SNTG1: variants seen among roughly 807,000 people sequenced by gnomAD.
SNTG1 encodes the protein syntrophin gamma 1.
SNTG1 carries 39 observed loss-of-function variants against 74.7 expected under a neutral mutation model. The ratio of observed to expected loss-of-function variants is 0.52; its 90% CI spans 0.40 to 0.68. The LOEUF is 0.68. Among genes scored for constraint, SNTG1 ranks in the 30% least tolerant of loss-of-function variants. SNTG1 has a pLI of 0.00. For synonymous variants in SNTG1, 254 were observed against 217.1 expected (o/e 1.17, Z -1.49); for missense variants, 685 against 609.5 (o/e 1.12, Z -1.30).
At chr8:50,709,944 C>G (rs1462356697) in intron 17 of SNTG1, among the ~76,000 whole-genome samples, 1 of 152,098 alleles carries the variant, frequency 6.6e-6, no homozygotes. Context: ...GTAGGATTTT[C>G]TAAAGCAAAT....
At chr8:50,024,125 A>G (rs1817059852) in intron 1 of SNTG1, among the ~76,000 whole-genome samples, 1 of 152,206 alleles carries the variant, frequency 6.6e-6, no homozygotes, top group African/African-American at 2.4e-5. Flanking sequence ...CACAGAGAAC[A>G]GGTGGGATAA....
chr8:50,253,075 G>C (rs183160654), intron 2 of SNTG1, among the ~76,000 whole-genome samples: 1 of 152,222 alleles, frequency 6.6e-6, no homozygotes, highest in Middle Eastern at 3.4e-3. Flanking sequence ...ACACACCGTT[G>C]GTGGGACTGT....
intron 5 of SNTG1, among the ~76,000 whole-genome samples, chr8:50,448,984 C>T (rs548866567): frequency 5.3e-5 from 8 of 152,150 alleles, no homozygotes; most frequent in South Asian, 2.1e-4. Flanking sequence ...GCCAAGATCG[C>T]GCCATGGCAC....
chr8:50,350,200 C>T (rs1304932684), intron 2 of SNTG1, among the ~76,000 whole-genome samples: 2 of 152,112 alleles, frequency 1.3e-5, no homozygotes, highest in Non-Finnish European at 2.9e-5. Context: ...GCCTCCCTGC[C>T]CCCACCCCGT....
At position 50,278,283 on chromosome 8, in the gene SNTG1, T is replaced by C. The variant is rs1315913695; in HGVS notation, c.-28+105648T>C. 2.6e-5 allele frequency among the ~76,000 whole-genome samples: 4 copies of C among 152,194 alleles called. No homozygotes were observed. In the South Asian group the frequency reaches 8.3e-4, roughly 32 times the overall value. ...TGTAATTTTCTCTCATTGTTGAATA[T>C]AATATTTTTCAAAGACAAAGAGTTG... On this transcript the variant is annotated intron_variant, in intron 2 of 18. Coordinates refer to ENST00000642720, the MANE Select transcript of SNTG1 (RefSeq NM_018967.5).
chr8:50,435,385 A>T (rs913110413), intron 4 of SNTG1, among the ~76,000 whole-genome samples: 2 of 152,140 alleles, frequency 1.3e-5, no homozygotes, highest in Non-Finnish European at 2.9e-5. Flanking sequence ...GACACTCATG[A>T]TGTGTTAACT....
intron 15 of SNTG1, among the ~76,000 whole-genome samples, chr8:50,698,050 C>T (rs2095411120): frequency 6.6e-6 from 1 of 152,054 alleles, no homozygotes; most frequent in Non-Finnish European, 1.5e-5. Context: ...GGTTGTGGAT[C>T]CATCTGTTCC....
At chr8:49,947,195 G>A (rs1809272412) in intron 1 of SNTG1, among the ~76,000 whole-genome samples, 1 of 152,086 alleles carries the variant, frequency 6.6e-6, no homozygotes, top group Non-Finnish European at 1.5e-5. Flanking sequence ...CAGCTACTTG[G>A]GAGGCTAAGG....
chr8:49,948,334 T>C (rs1215977442), intron 1 of SNTG1, among the ~76,000 whole-genome samples: 1 of 152,206 alleles, frequency 6.6e-6, no homozygotes, highest in Non-Finnish European at 1.5e-5. Flanking sequence ...TCATTAATTA[T>C]CATGGGTTAT....
chr8:50,432,760 AT>A (rs1330344720), intron 4 of SNTG1, among the ~76,000 whole-genome samples: 1 of 151,538 alleles, frequency 6.6e-6, no homozygotes, highest in Non-Finnish European at 1.5e-5. Flanking sequence ...TTTTTCTTTT[AT>A]TTTTTATTTA....
intron 1 of SNTG1, among the ~76,000 whole-genome samples, chr8:50,061,627 G>T (rs1820479058): frequency 6.6e-6 from 1 of 151,912 alleles, no homozygotes; most frequent in South Asian, 2.1e-4. Flanking sequence ...AACATTTAGT[G>T]TTATACATTT....
In SNTG1 at chr8:50,562,497, A is replaced by C. The variant is rs540683142; in HGVS notation, c.810+9318A>C. On this transcript the variant is annotated intron_variant, in intron 12 of 18. Transcript: ENST00000642720. Reference sequence around the variant, plus strand: ...AATAGCAGTGAAAGGCTGCACTTCTACTCTAGAGCCTCCAGAAAGCAGCAC... The same window carrying C: ...AATAGCAGTGAAAGGCTGCACTTCTCCTCTAGAGCCTCCAGAAAGCAGCAC... 2.2e-4 allele frequency among the ~76,000 whole-genome samples: 34 copies of C among 152,230 alleles called. 1 individual carries two copies. The South Asian group carries it at 5.4e-3, about 24-fold the overall frequency.
At chr8:50,256,119 C>G (rs1333865384) in intron 2 of SNTG1, among the ~76,000 whole-genome samples, 1 of 152,100 alleles carries the variant, frequency 6.6e-6, no homozygotes, top group African/African-American at 2.4e-5. Context: ...ATTAGGATTT[C>G]TCTTCACCGA....
At chr8:50,564,870 C>T (rs2094507269) in intron 12 of SNTG1, among the ~76,000 whole-genome samples, 1 of 151,986 alleles carries the variant, frequency 6.6e-6, no homozygotes, top group African/African-American at 2.4e-5. Context: ...TCCTTTCTTT[C>T]TTAATTTTGT....
chr8:50,416,947 T>C (rs1361817223), intron 4 of SNTG1, among the ~76,000 whole-genome samples: 1 of 152,104 alleles, frequency 6.6e-6, no homozygotes, highest in Non-Finnish European at 1.5e-5. Flanking sequence ...TTGCTTCAAA[T>C]GTCACATAAA....
rs187222923 is a variant in SNTG1, at chr8:50,750,187, G to T, written c.1285-1814G>T. Among the ~76,000 whole-genome samples, 53 of 152,066 alleles carry T rather than the reference G, an allele frequency of 3.5e-4. No individual in the cohort carries two copies. In the East Asian group the frequency reaches 8.8e-3, roughly 25 times the overall value. On this transcript the variant is annotated intron_variant, in intron 17 of 18. Transcript: ENST00000642720. ...GGAGAGGTTCAGGACTTCAGTGAAGGAAGTAAATGCAAATGCCATGGAAAT... is the reference window on the plus strand; with the variant it reads ...GGAGAGGTTCAGGACTTCAGTGAAGTAAGTAAATGCAAATGCCATGGAAAT...
At chr8:50,510,873 G>T (rs759984639) in intron 9 of SNTG1, among the ~76,000 whole-genome samples, 7 of 152,144 alleles carry the variant, frequency 4.6e-5, no homozygotes, top group Non-Finnish European at 8.8e-5. Flanking sequence ...CCAGCTCCTG[G>T]ATTCATTGAT....
intron 2 of SNTG1, among the ~76,000 whole-genome samples, chr8:50,334,898 A>C (rs1486094895): frequency 6.6e-6 from 1 of 152,306 alleles, no homozygotes; most frequent in South Asian, 2.1e-4. Context: ...CACTTATTGT[A>C]ACTTGAAAAT....
Position 49,995,887 on chromosome 8 carries a change from T to C in SNTG1, c.-103+83656T>C, listed in dbSNP as rs139451880. Among the ~76,000 whole-genome samples the C allele has an allele frequency of 5.3e-4, 81 of 152,290 alleles. 3 individuals are homozygous for C. The East Asian group carries it at 0.014, about 27-fold the overall frequency. On this transcript the variant is annotated intron_variant, in intron 1 of 18. Coordinates refer to ENST00000642720, the MANE Select transcript of SNTG1 (RefSeq NM_018967.5). ...CGCAAGATACTCTTATGCCCTAAAGTTTTTTCTCATTTGATGCCTATGCAT... is the reference window on the plus strand; with the variant it reads ...CGCAAGATACTCTTATGCCCTAAAGCTTTTTCTCATTTGATGCCTATGCAT...
Sources: allele counts gnomAD v4.1 joint callset (sites outside exome capture counted in the v4.1 genomes callset), GRCh38; gene constraint gnomAD v4.1.1; transcripts MANE v1.5; gene names NCBI Gene and HGNC (gene_info 2026-07-23, HGNC 2026-07-21).